The following MBD6 variants were observed in gnomAD, a reference collection of about 807,000 sequenced individuals.
The protein encoded by MBD6 is methyl-CpG-binding domain protein 6.
Under a neutral mutation model 66.8 loss-of-function variants are expected in MBD6, and 22 were observed. The observed-to-expected ratio is 0.33, with a 90% CI of 0.24 to 0.47. The LOEUF (loss-of-function observed/expected upper bound fraction) is 0.47, where lower values mean the gene tolerates loss of function less well. MBD6 is among the 20% of genes least tolerant of loss of function. The pLI, the probability that MBD6 is intolerant of heterozygous loss-of-function variation, is 1.00. For missense variants in MBD6, 1,322 were observed against 1,286.9 expected (o/e 1.03, Z -0.42); for synonymous variants, 540 against 534.6 (o/e 1.01, Z -0.14).
rs1377504056 is a variant in MBD6 at position 57,525,731 on chromosome 12, C to T, written c.763C>T (p.Pro255Ser). ...PPAPHASSSPPSDPPLFHCSD... is the reference protein window; with the variant it reads ...PPAPHASSSPSSDPPLFHCSD... Reference sequence around the variant, plus strand: ...GGCCCCTCATGCCTCCTCCTCACCACCTTCAGACCCTCCTCTCTTCCACTG... The same window carrying T: ...GGCCCCTCATGCCTCCTCCTCACCATCTTCAGACCCTCCTCTCTTCCACTG... The change falls in exon 6 of 13, where the codon CCT becomes TCT. Residue 255 changes from proline to serine, a missense_variant. Pro to Ser is a moderately conservative substitution (Grantham distance 74). Coordinates refer to ENST00000355673, the MANE Select transcript of MBD6 (RefSeq NM_052897.4). 1 of 1,614,040 alleles carries T rather than the reference C, an allele frequency of 6.2e-7. No homozygotes were observed. The highest frequency in any genetic ancestry group is 8.5e-7 in the Non-Finnish European group (1 of 1,179,990).
chr12:57,527,008 C>T lies in MBD6; in HGVS notation c.1863C>T (p.Leu621=), dbSNP rs138031487. Residue 621 remains leucine, a synonymous_variant, in exon 7 of 13, where the codon CTC becomes CTT. Coordinates refer to ENST00000355673, the MANE Select transcript of MBD6 (RefSeq NM_052897.4). ...LPPPSAPPSN[L]LASFLPLLAL... is the part of the protein sequence containing the mutation. Reference sequence around the variant, plus strand: ...CTCCTTCAGCACCTCCCAGCAACCTCCTTGCCTCTTTCCTGCCCCTGTTGG... The same window carrying T: ...CTCCTTCAGCACCTCCCAGCAACCTTCTTGCCTCTTTCCTGCCCCTGTTGG... 22 of 1,613,628 alleles carry T rather than the reference C, an allele frequency of 1.4e-5. No individual in the cohort carries two copies. The highest frequency in any genetic ancestry group is 1.9e-5 in the Non-Finnish European group (22 of 1,179,872).
In MBD6 at chr12:57,524,783, C is replaced by T; in HGVS notation, c.177C>T (p.Thr59=). The change falls in exon 4 of 13, where the codon ACC becomes ACT. Residue 59 remains threonine (T), a synonymous_variant. Transcript: ENST00000355673. ...QTRSYLLSDG[T]CKCGLECPLN... ...GGAGCTACCTCCTCAGCGATGGGACCTGCAAGTGCGGTCTGGAGTGTCCAC... is the reference window on the plus strand; with the variant it reads ...GGAGCTACCTCCTCAGCGATGGGACTTGCAAGTGCGGTCTGGAGTGTCCAC... 2 of 1,614,276 alleles carry T rather than the reference C, an allele frequency of 1.2e-6. No individual in the cohort carries two copies. Among genetic ancestry groups the T allele is most frequent in the Middle Eastern group, 1.6e-4 (1 of 6,062 alleles).
Position 57,525,594 on chromosome 12 carries a change from C to T in MBD6, c.626C>T (p.Ala209Val), listed in dbSNP as rs1369142182. The T allele has an allele frequency of 2.5e-6, 4 of 1,611,884 alleles. No individual in the cohort carries two copies. In the Admixed American group the frequency reaches 5.0e-5, roughly 20 times the overall value. ...CCCCGTTTCCTCCCAAGGGGCAATG[C>T]CCCCTCTCCAGCCCCACCTCCTCCA... The part of the protein sequence containing the change: ...SSPRFLPRGN[A>V]PSPAPPPPPA... Residue 209 changes from alanine (A) to valine (V), a missense_variant, in exon 6 of 13, where the codon GCC (alanine) becomes GTC (valine). Coordinates refer to ENST00000355673, the MANE Select transcript of MBD6 (RefSeq NM_052897.4).
At chr12:57,528,078 GCTTT>G in intron 9 of MBD6, 61 bp downstream of exon 9, 6 of 1,531,728 alleles carry the variant, frequency 3.9e-6, no homozygotes, top group South Asian at 2.6e-5. Flanking sequence ...GAAATTTAGG[GCTTT>G]CTGAGTTATA....
intron 6 of MBD6, 47 bp downstream of exon 6, chr12:57,526,435 C>A (rs772325646): frequency 2.5e-5 from 39 of 1,530,696 alleles, no homozygotes; most frequent in Non-Finnish European, 2.4e-5. Flanking sequence ...TGGAAAGAGG[C>A]AGCCAAGGCA....
In MBD6 at chr12:57,524,279, G is replaced by C. The variant is rs754337076; in HGVS notation, c.-24-1G>C. 6.6e-7 allele frequency: 1 copy of C among 1,506,566 alleles called. No individual in the cohort carries two copies. 93.3% of individuals were successfully genotyped at this position (1,506,566 alleles called of 1,614,324 possible). On this transcript the variant is annotated splice_acceptor_variant, in intron 2 of 12. Coordinates refer to ENST00000355673, the MANE Select transcript of MBD6 (RefSeq NM_052897.4). LOFTEE classifies it low-confidence loss of function (5UTR_SPLICE). ...GCCTACATGGATGTCTGTGTTATCA[G>C]GCACGCGGGAGCTGATTACACACAA...
chr12:57,529,356 C>A lies in MBD6; in HGVS notation c.*122C>A. On this transcript the variant is annotated 3_prime_UTR_variant, in exon 13 of 13. Transcript: ENST00000355673. ...TGGGGGCACTACTCCCCACTCAGAG[C>A]ACAAATGCAACTCCTTCCCCTACAA... 1.1e-6 allele frequency: 1 copy of A among 890,886 alleles called. No individual in the cohort carries two copies. The highest frequency in any genetic ancestry group is 1.7e-6 in the Non-Finnish European group (1 of 574,138). 55.2% of individuals were successfully genotyped at this position (890,886 alleles called of 1,614,324 possible).
rs906130110 is a variant in MBD6, at chr12:57,525,711, C to T, written c.743C>T (p.Pro248Leu). The change falls in exon 6 of 13, where the codon CCT becomes CTT. Residue 248 changes from proline (P) to leucine (L), a missense_variant. Physicochemically the swap from Pro to Leu is moderately conservative, Grantham distance 98 (BLOSUM62 -3). Coordinates refer to ENST00000355673, the MANE Select transcript of MBD6 (RefSeq NM_052897.4). ...VPSDLGSPPA[P>L]HASSSPPSDP... ...TCTGACCTGGGCTCTCCTCCGGCCC[C>T]TCATGCCTCCTCCTCACCACCTTCA... 1.2e-6 allele frequency: 2 copies of T among 1,614,108 alleles called. No individual in the cohort carries two copies. Among genetic ancestry groups the T allele is most frequent in the African/African-American group, 1.3e-5 (1 of 75,012 alleles).
At position 57,524,818 on chromosome 12, in the gene MBD6, C is replaced by T. The variant is rs537746125; in HGVS notation, c.212C>T (p.Pro71Leu). 6 of 1,614,170 alleles carry T rather than the reference C, an allele frequency of 3.7e-6. No homozygotes were observed. In the South Asian group the frequency reaches 5.5e-5, roughly 15 times the overall value. ...GGTCTGGAGTGTCCACTTAATGTCC[C>T]CAAGGTCAGAGTGGTGAGGGGCGCC... is the stretch of plus-strand genomic sequence containing the variant. ...KCGLECPLNV[P>L]KVFNFDPLAP... The change falls in exon 4 of 13, where the codon CCC becomes CTC. Residue 71 changes from proline to leucine, a missense_variant. Physicochemically the swap from Pro to Leu is moderately conservative, Grantham distance 98. Transcript: ENST00000355673.
At chr12:57,530,473 T>C, downstream of MBD6, 1 of 501,338 alleles carries the variant, frequency 2.0e-6, no homozygotes, top group Non-Finnish European at 3.6e-6. Context: ...CCCCCAGGCC[T>C]GAGGGGAGAC....
Position 57,525,447 on chromosome 12 carries a change from G to A in MBD6, c.479G>A (p.Gly160Asp). ...RVPPTTPLNG[G>D]PGSLPPEPPS... ...CCTCCTACAACTCCACTTAATGGGG[G>A]TCCTGGCTCCCTTCCCCCAGAACCA... Residue 160 changes from glycine to aspartate, a missense_variant, in exon 6 of 13, where the codon GGT (glycine) becomes GAT (aspartate). Physicochemically the swap from Gly to Asp is moderately conservative, Grantham distance 94 (BLOSUM62 -1). Transcript: ENST00000355673. The A allele has an allele frequency of 6.5e-7, 1 of 1,536,592 alleles. No homozygotes were observed. Among genetic ancestry groups the A allele is most frequent in the Admixed American group, 2.2e-5 (1 of 46,252 alleles).
downstream of MBD6, among the ~76,000 whole-genome samples, chr12:57,530,972 T>C (rs1374593847): frequency 3.9e-5 from 6 of 152,204 alleles, no homozygotes; most frequent in Admixed American, 2.0e-4. Context: ...CCCAAGCAGG[T>C]AGGACTCGAG....
Position 57,529,186 on chromosome 12 carries a change from C to G in MBD6, c.2964C>G (p.Ala988=). The G allele has an allele frequency of 6.2e-7, 1 of 1,614,086 alleles. No individual in the cohort carries two copies. Among genetic ancestry groups the G allele is most frequent in the Non-Finnish European group, 8.5e-7 (1 of 1,179,976 alleles). Residue 988 remains alanine (A), a synonymous_variant, in exon 13 of 13, where the codon GCC becomes GCG. Transcript: ENST00000355673. ...ARAAVPLPPR[A]RPGRPAKNKR... ...CAGCTGTCCCTCTGCCTCCCCGGGC[C>G]CGCCCTGGCCGTCCTGCCAAAAACA...
upstream of MBD6, chr12:57,522,749 TGCGGCAGCGACG>T (rs1488586289): frequency 1.8e-4 from 12 of 66,050 alleles, no homozygotes; most frequent in South Asian, 3.0e-3. Context: ...CGGCGGCGGC[TGCGGCAGCGACG>T]GCGGCGGCGG....
chr12:57,524,926 T>C lies in MBD6; in HGVS notation c.217-27T>C, dbSNP rs750128798. 10 of 1,601,576 alleles carry C rather than the reference T, an allele frequency of 6.2e-6. No homozygotes were observed. In the African/African-American group the frequency reaches 8.0e-5, roughly 13 times the overall value. ...TCTCACAGGTTCCAGCCCCTCAGGG[T>C]CCCTGTCCTTGCTTTCCACCTTACA... On this transcript the variant is annotated intron_variant, in intron 4 of 12. Transcript: ENST00000355673.
At position 57,526,655 on chromosome 12, in the gene MBD6, G is replaced by A. The variant is rs1435038335; in HGVS notation, c.1510G>A (p.Gly504Ser). ...SPSEGLGMGA[G>S]PACPLPPLAG... The stretch of plus-strand genomic sequence containing the variant: ...ATCCGAAGGACTGGGGATGGGGGCA[G>A]GCCCGGCCTGCCCTCTGCCTCCCCT... The change falls in exon 7 of 13, where the codon GGC becomes AGC. Residue 504 changes from glycine (G) to serine (S), a missense_variant. Gly to Ser is a moderately conservative substitution (Grantham distance 56). Coordinates refer to ENST00000355673, the MANE Select transcript of MBD6 (RefSeq NM_052897.4). 1 of 1,519,702 alleles carries A rather than the reference G, an allele frequency of 6.6e-7. No individual in the cohort carries two copies. The allele number at this position is 1,519,702 out of a possible 1,614,324, so 94.1% of individuals were successfully genotyped here.
Position 57,527,083 on chromosome 12 carries a change from G to A in MBD6, c.1938G>A (p.Gly646=). 6.3e-7 allele frequency: 1 copy of A among 1,599,098 alleles called. No homozygotes were observed. Among genetic ancestry groups the A allele is most frequent in the Non-Finnish European group, 8.5e-7 (1 of 1,171,092 alleles). The change falls in exon 7 of 13, where the codon GGG becomes GGA. Residue 646 remains glycine, a synonymous_variant. Transcript: ENST00000355673. Reference sequence around the variant, plus strand: ...GGGAGGGATCTGCAGAGGGAGCCGGGGGTCCAAGTGGGGAGCCATTTTCAG... The same window carrying A: ...GGGAGGGATCTGCAGAGGGAGCCGGAGGTCCAAGTGGGGAGCCATTTTCAG... ...GDGEGSAEGA[G]GPSGEPFSGL...
chr12:57,526,753 G>C lies in MBD6; in HGVS notation c.1608G>C (p.Gly536=), dbSNP rs1878998698. 1 of 1,582,522 alleles carries C rather than the reference G, an allele frequency of 6.3e-7. No individual in the cohort carries two copies. The highest frequency in any genetic ancestry group is 8.6e-7 in the Non-Finnish European group (1 of 1,161,700). ...CACTGAGTGGAGCTGGCTTCCCTGG[G>C]ATGCTTGGGGCCTTGCCTCTCCCTC... The part of the protein sequence containing the change: ...GLALSGAGFP[G]MLGALPLPLS... The change falls in exon 7 of 13, where the codon GGG becomes GGC. Residue 536 remains glycine (G), a synonymous_variant. Coordinates refer to ENST00000355673, the MANE Select transcript of MBD6 (RefSeq NM_052897.4).
In MBD6 at chr12:57,524,706, C is replaced by T. The variant is rs371781537; in HGVS notation, c.114-14C>T. On this transcript the variant is annotated splice_polypyrimidine_tract_variant and intron_variant, in intron 3 of 12. Transcript: ENST00000355673. ...CCAGCTAACCCCATGTCCTCTGACC[C>T]TGTCCTCTCGCAGTCCAAGTGGCAC... 2 of 1,613,518 alleles carry T rather than the reference C, an allele frequency of 1.2e-6. No individual in the cohort carries two copies. Among genetic ancestry groups the T allele is most frequent in the East Asian group, 2.2e-5 (1 of 44,890 alleles).
Sources: gnomAD v4.1 joint callset for allele counts (sites outside exome capture counted in the v4.1 genomes callset) on GRCh38, gnomAD v4.1.1 for gene constraint, MANE v1.5 for transcripts, NCBI Gene and HGNC (gene_info 2026-07-23, HGNC 2026-07-21) for gene names.